WWOX: variants seen among roughly 807,000 people sequenced by gnomAD.
The protein encoded by WWOX is WW domain containing oxidoreductase, also known as WW domain-containing oxidoreductase.
In WWOX, 69 loss-of-function variants were observed where a neutral mutation model predicts 46.2. The observed-to-expected ratio is 1.49, with a 90% confidence interval of 1.23 to 1.82. The LOEUF (loss-of-function observed/expected upper bound fraction) is 1.82, where lower values mean the gene tolerates loss of function less well. WWOX is among the 40% of genes most tolerant of loss of function. The pLI is 0.00. For synonymous variants in WWOX, 359 were observed against 202.6 expected (o/e 1.77, Z -6.56); for missense variants, 919 against 542.6 (o/e 1.69, Z -6.89).
intron 6 of WWOX, among the ~76,000 whole-genome samples, chr16:78,403,983 T>A (rs1216990990): frequency 1.3e-5 from 2 of 152,198 alleles, no homozygotes; most frequent in African/African-American, 4.8e-5. Flanking sequence ...TCTTAACATA[T>A]ATTCATTTTT....
At chr16:79,120,645 G>A (rs982070447) in intron 8 of WWOX, among the ~76,000 whole-genome samples, 5 of 152,132 alleles carry the variant, frequency 3.3e-5, no homozygotes, top group Non-Finnish European at 7.4e-5. Flanking sequence ...TTTGTTCTTC[G>A]CCCTTCCCGG....
chr16:78,896,329 C>T (rs2151235104), intron 8 of WWOX: 1 of 152,128 alleles, frequency 6.6e-6, no homozygotes, highest in South Asian at 2.1e-4. Flanking sequence ...GACTGGCTTC[C>T]CAAAACCACT....
chr16:78,438,900 C>T lies in WWOX; in HGVS notation c.1056+6148C>T, dbSNP rs114203847. On this transcript the variant is annotated intron_variant, in intron 8 of 8. Transcript: ENST00000566780. ...CACAAGATGTCATTCTTCTAACCTT[C>T]GTGAAAGCCAAACGGGGTAATTCTG... is the stretch of plus-strand genomic sequence containing the variant. Among the ~76,000 whole-genome samples the T allele has an allele frequency of 6.3e-3, 960 of 152,212 alleles. 8 individuals are homozygous for T. The highest frequency in any genetic ancestry group is 0.022 in the African/African-American group (908 of 41,534).
chr16:78,538,218 CAAAAAAAAAA>C (rs67413792), intron 8 of WWOX, among the ~76,000 whole-genome samples: 2 of 60,034 alleles, frequency 3.3e-5, no homozygotes, highest in African/African-American at 7.3e-5. Flanking sequence ...TCACTCACAC[CAAAAAAAAAA>C]AAAAAAAAAA....
At chr16:78,148,008 GT>G (rs2034267410) in intron 4 of WWOX, among the ~76,000 whole-genome samples, 1 of 151,902 alleles carries the variant, frequency 6.6e-6, no homozygotes, top group African/African-American at 2.4e-5. Flanking sequence ...AAAGAACCCT[GT>G]CTCGAGCAGA....
At chr16:78,853,012 T>A (rs974933624) in intron 8 of WWOX, among the ~76,000 whole-genome samples, 3 of 152,204 alleles carry the variant, frequency 2.0e-5, no homozygotes, top group African/African-American at 7.2e-5. Flanking sequence ...CCCGGGGTCA[T>A]ACAGATAATT....
chr16:78,604,541 A>C (rs1476786505), intron 8 of WWOX, among the ~76,000 whole-genome samples: 2 of 152,156 alleles, frequency 1.3e-5, no homozygotes, highest in African/African-American at 2.4e-5. Flanking sequence ...CAAAATAGTG[A>C]GTTTTTCATG....
chr16:78,747,554 A>G (rs2049377785), intron 8 of WWOX, among the ~76,000 whole-genome samples: 1 of 152,166 alleles, frequency 6.6e-6, no homozygotes, highest in African/African-American at 2.4e-5. Context: ...AGATGAGGAA[A>G]CTGAGGCTAA....
In WWOX at chr16:79,211,791, G is replaced by A. The variant is rs201606637; in HGVS notation, c.1240G>A (p.Gly414Ser). The A allele has an allele frequency of 1.0e-4, 161 of 1,614,050 alleles. 1 individual carries two copies. Among genetic ancestry groups the A allele is most frequent in the African/African-American group, 8.5e-4 (64 of 75,050 alleles). ...LIQERLGSQS[G>S] is the part of the protein sequence containing the mutation. ...CCAAGAACGGCTTGGCAGCCAGTCC[G>A]GCTAAGTGGAGCTCAGAGCGGATGG... The change falls in exon 9 of 9, where the codon GGC (glycine) becomes AGC (serine). Residue 414 changes from glycine to serine, a missense_variant. Gly to Ser is a moderately conservative substitution (Grantham distance 56, BLOSUM62 0). Coordinates refer to ENST00000566780, the MANE Select transcript of WWOX (RefSeq NM_016373.4).
At chr16:78,889,363 A>G (rs1272771438) in intron 8 of WWOX, among the ~76,000 whole-genome samples, 2 of 102,200 alleles carry the variant, frequency 2.0e-5, no homozygotes, top group African/African-American at 7.9e-5. Flanking sequence ...CCCCGCCCCG[A>G]TTTATACTAT....
At position 78,512,620 on chromosome 16, in the gene WWOX, C is replaced by T. The variant is rs1282146369; in HGVS notation, c.1056+79868C>T. ...TAGGACTTGAGTCCCCTACTATGTGCGGAGCCTTAAAGGATGAGAAAGATT... is the reference window on the plus strand; with the variant it reads ...TAGGACTTGAGTCCCCTACTATGTGTGGAGCCTTAAAGGATGAGAAAGATT... On this transcript the variant is annotated intron_variant, in intron 8 of 8. Coordinates refer to ENST00000566780, the MANE Select transcript of WWOX (RefSeq NM_016373.4). 4.6e-5 allele frequency among the ~76,000 whole-genome samples: 7 copies of T among 152,046 alleles called. No individual in the cohort carries two copies. The East Asian group carries it at 9.6e-4, about 21-fold the overall frequency.
rs992513105 is a variant in WWOX at position 79,166,805 on chromosome 16, A to C, written c.1057-44803A>C. Among the ~76,000 whole-genome samples the C allele has an allele frequency of 4.3e-4, 65 of 152,232 alleles. 1 individual carries two copies. The highest frequency in any genetic ancestry group is 1.2e-4 in the Non-Finnish European group (8 of 68,052). On this transcript the variant is annotated intron_variant, in intron 8 of 8. Transcript: ENST00000566780. The stretch of plus-strand genomic sequence containing the variant: ...CTTTAGTATATATCTTGTTAATAGT[A>C]GGCCCTGAATAAAGACCAGTTGAAC...
rs1282438206 is a variant in WWOX at position 78,348,348 on chromosome 16, C to A, written c.517-38512C>A. 1.7e-5 allele frequency among the ~76,000 whole-genome samples: 2 copies of A among 120,936 alleles called. 1 individual carries two copies. The highest frequency in any genetic ancestry group is 4.0e-5 in the Non-Finnish European group (2 of 50,504). The allele number at this position is 120,936 out of a possible 152,430, so 79.3% of individuals were successfully genotyped here. On this transcript the variant is annotated intron_variant, in intron 5 of 8. Coordinates refer to ENST00000566780, the MANE Select transcript of WWOX (RefSeq NM_016373.4). ...ATATCCAGGAAAGAGTGGCAAAGAA[C>A]CATCCCAGCAGATAGCTTGAGGGTG...
chr16:78,706,332 G>T (rs923315308), intron 8 of WWOX, among the ~76,000 whole-genome samples: 2 of 151,930 alleles, frequency 1.3e-5, no homozygotes, highest in African/African-American at 4.8e-5. Context: ...CCAGAGCCAG[G>T]CTAAAGCACC....
chr16:78,238,952 G>A (rs72790020), intron 5 of WWOX, among the ~76,000 whole-genome samples: 7 of 151,062 alleles, frequency 4.6e-5, no homozygotes, highest in African/African-American at 1.5e-4. Context: ...TGAAGGCATC[G>A]GCCCCCAAGG....
intron 6 of WWOX, among the ~76,000 whole-genome samples, chr16:78,392,117 T>A (rs2082188050): frequency 6.6e-6 from 1 of 152,014 alleles, no homozygotes. Context: ...CGTGGCCTGT[T>A]ATAAATTGGG....
At chr16:78,722,828 C>T (rs1202881004) in intron 8 of WWOX, among the ~76,000 whole-genome samples, 2 of 151,264 alleles carry the variant, frequency 1.3e-5, no homozygotes, top group African/African-American at 4.9e-5. Context: ...ATTGCTTGAG[C>T]CCAGTAGTTC....
At chr16:78,497,362 T>C (rs765469707) in intron 8 of WWOX, among the ~76,000 whole-genome samples, 1 of 152,166 alleles carries the variant, frequency 6.6e-6, no homozygotes, top group Non-Finnish European at 1.5e-5. Context: ...CAGTGTAAAA[T>C]TAGTAGAAGA....
chr16:78,103,571 C>G (rs74884323), intron 1 of WWOX, among the ~76,000 whole-genome samples: 2,436 of 152,224 alleles, frequency 0.016, 67 homozygotes, highest in African/African-American at 0.053. Context: ...CCTAACCCGA[C>G]ATTCCCTTGA....
Sources: allele counts gnomAD v4.1 joint callset (sites outside exome capture counted in the v4.1 genomes callset), GRCh38; gene constraint gnomAD v4.1.1; transcripts MANE v1.5; gene names NCBI Gene and HGNC (gene_info 2026-07-23, HGNC 2026-07-21).